The following TBC1D22B variants were observed in gnomAD, a reference collection of about 807,000 sequenced individuals.
The protein encoded by TBC1D22B is chromosome 6 open reading frame 197.
A neutral mutation model predicts 69.1 loss-of-function variants in TBC1D22B; 32 were observed. That is an observed-to-expected ratio of 0.46 (90% CI 0.35 to 0.62). The LOEUF (loss-of-function observed/expected upper bound fraction) is 0.62. TBC1D22B is among the 20% of genes least tolerant of loss of function. The probability of loss-of-function intolerance (pLI) is 0.00; values close to 1 mark genes in which losing one functional copy is unlikely to be tolerated. For synonymous variants in TBC1D22B, 206 were observed against 229.8 expected, an observed-to-expected ratio of 0.90 and a Z score of 0.94; for missense variants, 462 against 630.9, an observed-to-expected ratio of 0.73 and a Z score of 2.87.
intron 12 of TBC1D22B, among the ~76,000 whole-genome samples, chr6:37,320,193 A>G (rs1768199228): frequency 6.6e-6 from 1 of 152,214 alleles, no homozygotes; most frequent in Non-Finnish European, 1.5e-5. Context: ...GAGGAAGCAG[A>G]TATCTTCCTG....
intron 11 of TBC1D22B, 87 bp from the exon 12 acceptor site, chr6:37,317,024 C>T: frequency 6.8e-7 from 1 of 1,476,252 alleles, no homozygotes; most frequent in Non-Finnish European, 9.2e-7. Context: ...AAGAGTTTCC[C>T]ACCTCCCAGA....
At chr6:37,330,902 TG>T (rs1249590929) in intron 12 of TBC1D22B, 141 bp from the exon 13 acceptor site, 2 of 807,204 alleles carry the variant, frequency 2.5e-6, no homozygotes, top group Non-Finnish European at 4.1e-6. Context: ...GTGTACTGTT[TG>T]GGAGGAAGGA....
intron 1 of TBC1D22B, among the ~76,000 whole-genome samples, chr6:37,259,764 A>C (rs1011840868): frequency 6.6e-6 from 1 of 152,220 alleles, no homozygotes; most frequent in African/African-American, 2.4e-5. Context: ...TGTGACCAAG[A>C]CAAATAATCT....
chr6:37,329,730 T>G (rs1400842463), intron 12 of TBC1D22B, among the ~76,000 whole-genome samples: 1 of 152,360 alleles, frequency 6.6e-6, no homozygotes, highest in East Asian at 1.9e-4. Context: ...GTCTTATTAC[T>G]CTGCCATCTT....
intron 5 of TBC1D22B, 115 bp from the exon 6 acceptor site, chr6:37,284,221 A>G: frequency 6.5e-7 from 1 of 1,527,456 alleles, no homozygotes; most frequent in South Asian, 1.1e-5. Context: ...AAAGGGATTT[A>G]CCCTTGGCAG....
At chr6:37,293,235 G>T (rs987871796) in intron 8 of TBC1D22B, among the ~76,000 whole-genome samples, 1 of 151,620 alleles carries the variant, frequency 6.6e-6, no homozygotes, top group Admixed American at 6.6e-5. Context: ...CTGCCACCAC[G>T]CCCGGCTAAT....
At chr6:37,286,915 GC>G in intron 6 of TBC1D22B, 91 bp from the exon 7 acceptor site, 1 of 1,180,690 alleles carries the variant, frequency 8.5e-7, no homozygotes, top group East Asian at 2.6e-5. Context: ...TTGCACTCCA[GC>G]CTGGGGGACA....
chr6:37,282,930 C>A lies in TBC1D22B; in HGVS notation c.650C>A (p.Pro217His), dbSNP rs1274771537. ...SWPGVPREVR[P>H]ITWRLLSGYL... ...CCAGGGGTTCCCAGGGAGGTTCGACCTATAACCTGGAGACTCCTGTCGGTG... is the reference window on the plus strand; with the variant it reads ...CCAGGGGTTCCCAGGGAGGTTCGACATATAACCTGGAGACTCCTGTCGGTG... The change falls in exon 5 of 13, where the codon CCT (proline) becomes CAT (histidine). Residue 217 changes from proline (P) to histidine (H), a missense_variant. Pro to His is a moderately conservative substitution (Grantham distance 77). Around this residue, in one of 2 missense-constraint regions of TBC1D22B, gnomAD observed 225 missense variants for 375.4 expected, o/e 0.60. Transcript: ENST00000373491. 9 of 1,613,870 alleles carry A rather than the reference C, an allele frequency of 5.6e-6. No homozygotes were observed. Among genetic ancestry groups the A allele is most frequent in the Non-Finnish European group, 7.6e-6 (9 of 1,179,828 alleles).
intron 1 of TBC1D22B, 106 bp from the exon 2 acceptor site, chr6:37,269,488 C>T: frequency 3.0e-6 from 3 of 1,001,586 alleles, no homozygotes; most frequent in Non-Finnish European, 4.7e-6. Flanking sequence ...TAGAGATAAC[C>T]TATTTATCAA....
At chr6:37,325,540 C>CTTTTTTT in intron 12 of TBC1D22B, among the ~76,000 whole-genome samples, 1 of 77,178 alleles carries the variant, frequency 1.3e-5, no homozygotes, top group Non-Finnish European at 2.4e-5. Context: ...ATCGTTTCTA[C>CTTTTTTT]TTTTTTTTTT....
In TBC1D22B at chr6:37,257,834, G is replaced by T; in HGVS notation, c.-84G>T. 1 of 1,501,874 alleles carries T rather than the reference G, an allele frequency of 6.7e-7. No individual in the cohort carries two copies. Among genetic ancestry groups the T allele is most frequent in the Non-Finnish European group, 9.1e-7 (1 of 1,104,150 alleles). The allele number at this position is 1,501,874 out of a possible 1,614,324, so 93.0% of individuals were successfully genotyped here. A position where few individuals can be genotyped will look rare whatever the true frequency, so the allele number is the denominator to read the frequency against. On this transcript the variant is annotated 5_prime_UTR_variant, in exon 1 of 13. Coordinates refer to ENST00000373491, the MANE Select transcript of TBC1D22B (RefSeq NM_017772.4). ...GACCGGCGGCGGGGAAGCGGCCTGG[G>T]TTGGCCCTCAGATTGCGGGGTCTGG... is the stretch of plus-strand genomic sequence containing the variant.
Position 37,282,964 on chromosome 6 carries a change from C to G in TBC1D22B, c.672+12C>G. On this transcript the variant is annotated intron_variant, in intron 5 of 12. Transcript: ENST00000373491. ...GGAGACTCCTGTCGGTGAGTTCTAC[C>G]CACTGTGTAGAGAAATGTGAGCCTC... 7 of 1,612,222 alleles carry G rather than the reference C, an allele frequency of 4.3e-6. No homozygotes were observed. Among genetic ancestry groups the G allele is most frequent in the Non-Finnish European group, 5.9e-6 (7 of 1,178,534 alleles).
intron 1 of TBC1D22B, among the ~76,000 whole-genome samples, chr6:37,266,353 A>G (rs1766270047): frequency 6.6e-6 from 1 of 152,182 alleles, no homozygotes; most frequent in African/African-American, 2.4e-5. Context: ...CATAAAATGC[A>G]TGTATCTATT....
At chr6:37,309,876 A>C (rs915666616) in intron 8 of TBC1D22B, among the ~76,000 whole-genome samples, 12 of 151,758 alleles carry the variant, frequency 7.9e-5, no homozygotes, top group Non-Finnish European at 1.6e-4. Flanking sequence ...TGAAGCAAAA[A>C]GTCAAAGGAA....
chr6:37,328,350 CTTTGAAA>C lies in TBC1D22B; in HGVS notation c.1390-2692_1390-2686del, dbSNP rs567438274. 4.8e-3 allele frequency among the ~76,000 whole-genome samples: 737 copies of C among 152,168 alleles called. 1 individual carries two copies. The highest frequency in any genetic ancestry group is 7.4e-3 in the Non-Finnish European group (506 of 67,994). On this transcript the variant is annotated intron_variant, in intron 12 of 12. Transcript: ENST00000373491. The stretch of plus-strand genomic sequence containing the variant: ...TAGATAAAAATAAAATGTTTATGCC[CTTTGAAA>C]TAGTAATTTCATTTCTAGGAATTTG...
chr6:37,291,723 C>T (rs1767191160), intron 8 of TBC1D22B, among the ~76,000 whole-genome samples: 1 of 152,200 alleles, frequency 6.6e-6, no homozygotes, highest in Admixed American at 6.5e-5. Flanking sequence ...CTCCAGTTCA[C>T]TTGCTGTATC....
chr6:37,292,372 G>A lies in TBC1D22B; in HGVS notation c.982+1015G>A, dbSNP rs116490899. Among the ~76,000 whole-genome samples the A allele has an allele frequency of 3.7e-3, 561 of 152,242 alleles. 2 individuals carry two copies. The highest frequency in any genetic ancestry group is 0.013 in the African/African-American group (521 of 41,542). The stretch of plus-strand genomic sequence containing the variant: ...TTGGCCTATCCTATCCAGGTTTTGC[G>A]ATGGGGCTCAAAGGGATGATGAGGT... On this transcript the variant is annotated intron_variant, in intron 8 of 12. Coordinates refer to ENST00000373491, the MANE Select transcript of TBC1D22B (RefSeq NM_017772.4).
intron 12 of TBC1D22B, among the ~76,000 whole-genome samples, chr6:37,330,610 C>T (rs1047572097): frequency 1.3e-5 from 2 of 152,104 alleles, no homozygotes; most frequent in Non-Finnish European, 1.5e-5. Context: ...TGCGTCACTG[C>T]ACTCCAGCTT....
intron 8 of TBC1D22B, among the ~76,000 whole-genome samples, chr6:37,307,758 G>A (rs1289863774): frequency 6.6e-6 from 1 of 152,162 alleles, no homozygotes; most frequent in Non-Finnish European, 1.5e-5. Flanking sequence ...AAATAGAAAG[G>A]CCATCTGCAG....
Sources: gnomAD v4.1 joint callset for allele counts (sites outside exome capture counted in the v4.1 genomes callset) on GRCh38, gnomAD v4.1.1 for gene constraint, gnomAD v4.1.1 regional missense constraint, MANE v1.5 for transcripts, NCBI Gene and HGNC (gene_info 2026-07-23, HGNC 2026-07-21) for gene names.